DISC1: variants seen among roughly 807,000 people sequenced by gnomAD.
DISC1 encodes the protein disrupted in schizophrenia 1 protein.
DISC1 carries 57 observed loss-of-function variants against 84.5 expected under a neutral mutation model. That is an observed-to-expected ratio of 0.67 (90% CI 0.55 to 0.84). The LOEUF (loss-of-function observed/expected upper bound fraction) is 0.84, where lower values mean the gene tolerates loss of function less well. Among genes scored for constraint, DISC1 ranks in the 40% least tolerant of loss-of-function variants. The pLI, the probability that DISC1 is intolerant of heterozygous loss-of-function variation, is 0.00. For synonymous variants in DISC1, 411 were observed against 415.2 expected (o/e 0.99, Z 0.12); for missense variants, 1,000 against 1,057.8 (o/e 0.95, Z 0.76).
At chr1:231,743,219 A>G (rs910650299) in intron 3 of DISC1, among the ~76,000 whole-genome samples, 74 of 152,222 alleles carry the variant, frequency 4.9e-4, no homozygotes, top group African/African-American at 1.7e-3. Flanking sequence ...CTAATAATAG[A>G]CAATCCTTTT....
At chr1:231,782,400 T>TG (rs1316154407) in intron 6 of DISC1, among the ~76,000 whole-genome samples, 1 of 152,204 alleles carries the variant, frequency 6.6e-6, no homozygotes, top group African/African-American at 2.4e-5. Flanking sequence ...GCTGATCTGT[T>TG]GCTTTGTCAA....
chr1:231,730,946 T>A (rs1413523342), intron 3 of DISC1, among the ~76,000 whole-genome samples: 1 of 152,126 alleles, frequency 6.6e-6, no homozygotes, highest in African/African-American at 2.4e-5. Context: ...ACATTTTAAA[T>A]AAGAGTTTCT....
chr1:231,894,853 G>A (rs2087557646), intron 9 of DISC1, among the ~76,000 whole-genome samples: 1 of 147,158 alleles, frequency 6.8e-6, no homozygotes, highest in Admixed American at 6.8e-5. Context: ...CACTATAATT[G>A]CTATAGCATT....
intron 10 of DISC1, among the ~76,000 whole-genome samples, chr1:231,963,287 G>A (rs998996029): frequency 2.0e-5 from 3 of 152,022 alleles, no homozygotes; most frequent in Non-Finnish European, 4.4e-5. Flanking sequence ...TAATTTAGAA[G>A]GGGACATGGT....
intron 9 of DISC1, among the ~76,000 whole-genome samples, chr1:231,934,425 T>C (rs1446494012): frequency 1.3e-5 from 2 of 152,218 alleles, no homozygotes; most frequent in African/African-American, 4.8e-5. Context: ...TTAATGTCCT[T>C]GTAGCTCAAG....
intron 9 of DISC1, among the ~76,000 whole-genome samples, chr1:231,874,916 C>CA (rs747303966): frequency 0.056 from 3,007 of 53,650 alleles, 130 homozygotes; most frequent in African/African-American, 0.13. Flanking sequence ...GACTCCGTCT[C>CA]AAAAAAAAAA....
At chr1:231,891,577 A>G (rs1452095661) in intron 9 of DISC1, among the ~76,000 whole-genome samples, 2 of 152,098 alleles carry the variant, frequency 1.3e-5, no homozygotes, top group Non-Finnish European at 2.9e-5. Context: ...GAATAATTCC[A>G]GTGGGCTCTG....
intron 12 of DISC1, among the ~76,000 whole-genome samples, chr1:232,033,887 A>T (rs958583556): frequency 1.3e-4 from 20 of 152,206 alleles, no homozygotes; most frequent in Admixed American, 1.0e-3. Context: ...AGAGGTCACT[A>T]CTTTGTCCTC....
At chr1:231,758,432 G>T (rs2125375578) in intron 4 of DISC1, among the ~76,000 whole-genome samples, 1 of 152,206 alleles carries the variant, frequency 6.6e-6, no homozygotes, top group East Asian at 1.9e-4. Context: ...GCAAACCATG[G>T]GGTAGGGGAG....
chr1:232,011,962 A>G (rs1286608048), intron 11 of DISC1, among the ~76,000 whole-genome samples: 1 of 152,178 alleles, frequency 6.6e-6, no homozygotes, highest in African/African-American at 2.4e-5. Context: ...ATCTGTTAAG[A>G]AAAACACCAC....
intron 8 of DISC1, among the ~76,000 whole-genome samples, chr1:231,815,615 G>T (rs760502758): frequency 1.3e-5 from 2 of 151,980 alleles, no homozygotes; most frequent in Non-Finnish European, 2.9e-5. Context: ...GTGGGCACTT[G>T]TAATCCTAGC....
intron 6 of DISC1, among the ~76,000 whole-genome samples, chr1:231,773,466 C>T (rs572850841): frequency 4.1e-4 from 62 of 152,262 alleles, no homozygotes; most frequent in African/African-American, 1.5e-3. Context: ...CTCACTGCAA[C>T]CTCCGCCTCC....
intron 4 of DISC1, among the ~76,000 whole-genome samples, chr1:231,754,188 T>G (rs143160394): frequency 6.6e-6 from 1 of 152,226 alleles, no homozygotes; most frequent in Non-Finnish European, 1.5e-5. Flanking sequence ...GTATCTTTAC[T>G]TTATAGCAAT....
At chr1:231,884,127 G>A (rs1276006783) in intron 9 of DISC1, among the ~76,000 whole-genome samples, 1 of 152,128 alleles carries the variant, frequency 6.6e-6, no homozygotes, top group Admixed American at 6.5e-5. Context: ...CACTCAGTGC[G>A]GGGTGATGGT....
intron 9 of DISC1, among the ~76,000 whole-genome samples, chr1:231,831,905 A>G (rs61835440): frequency 0.5 from 74,859 of 150,282 alleles, 15,998 homozygotes; most frequent in Non-Finnish European, 0.54. Flanking sequence ...CTACTATAGC[A>G]TAGCCTGCCT....
Position 232,004,985 on chromosome 1 carries a change from C to G in DISC1, c.2043-3800C>G, listed in dbSNP as rs1211773315. Among the ~76,000 whole-genome samples the G allele has an allele frequency of 3.6e-5, 4 of 111,490 alleles. No homozygotes were observed. In the East Asian group the frequency reaches 9.3e-4, roughly 26 times the overall value. The allele number at this position is 111,490 out of a possible 152,430, so 73.1% of individuals were successfully genotyped here. A position where few individuals can be genotyped will look rare whatever the true frequency, so the allele number is the denominator to read the frequency against. Reference sequence around the variant, plus strand: ...CCTTCCTTCTTCCCTTCCTTCCATCCTTCTTCTCTTCTTTCCTTCCTTCCT... The same window carrying G: ...CCTTCCTTCTTCCCTTCCTTCCATCGTTCTTCTCTTCTTTCCTTCCTTCCT... On this transcript the variant is annotated intron_variant, in intron 10 of 12. Transcript: ENST00000439617.
In DISC1 at chr1:231,772,870, G is replaced by A. The variant is rs2076659683; in HGVS notation, c.1634+1800G>A. Among the ~76,000 whole-genome samples, 5 of 152,192 alleles carry A rather than the reference G, an allele frequency of 3.3e-5. No homozygotes were observed. The South Asian group carries it at 1.0e-3, about 32-fold the overall frequency. ...CCCCTTCTATCCCGAATATTTCCAGGCAGAACTCTCCATGGCTCATGCCCA... is the reference window on the plus strand; with the variant it reads ...CCCCTTCTATCCCGAATATTTCCAGACAGAACTCTCCATGGCTCATGCCCA... On this transcript the variant is annotated intron_variant, in intron 6 of 12. Coordinates refer to ENST00000439617, the MANE Select transcript of DISC1 (RefSeq NM_018662.3).
chr1:231,912,577 G>A (rs2089295469), intron 9 of DISC1, among the ~76,000 whole-genome samples: 1 of 152,158 alleles, frequency 6.6e-6, no homozygotes, highest in Non-Finnish European at 1.5e-5. Context: ...CATATGGGGT[G>A]TCAGTCTGCC....
At chr1:231,916,410 T>C (rs1286299863) in intron 9 of DISC1, among the ~76,000 whole-genome samples, 2 of 152,044 alleles carry the variant, frequency 1.3e-5, no homozygotes, top group Non-Finnish European at 2.9e-5. Flanking sequence ...ATCCCAGCAC[T>C]TTGGGAGGCC....
Sources: gnomAD v4.1 joint callset for allele counts (sites outside exome capture counted in the v4.1 genomes callset) on GRCh38, gnomAD v4.1.1 for gene constraint, MANE v1.5 for transcripts, NCBI Gene and HGNC (gene_info 2026-07-23, HGNC 2026-07-21) for gene names.